ING3: variants seen among roughly 807,000 people sequenced by gnomAD.
The protein encoded by ING3 is inhibitor of growth family member 3.
ING3 carries 6 observed loss-of-function variants against 64.8 expected under a neutral mutation model. The observed-to-expected ratio is 0.09, with a 90% CI of 0.05 to 0.18. The LOEUF (loss-of-function observed/expected upper bound fraction) is 0.18, where lower values mean the gene tolerates loss of function less well. Among genes scored for constraint, ING3 ranks in the 10% least tolerant of loss-of-function variants. ING3 has a pLI of 1.00. For synonymous variants in ING3, 170 were observed against 173.7 expected, an observed-to-expected ratio of 0.98 and a Z score of 0.17; for missense variants, 310 against 489.7, an observed-to-expected ratio of 0.63 and a Z score of 3.46.
At chr7:120,952,113 G>A (rs1011841994) in intron 2 of ING3, among the ~76,000 whole-genome samples, 2 of 152,358 alleles carry the variant, frequency 1.3e-5, no homozygotes, top group African/African-American at 2.4e-5. Context: ...CTGTTCAGTG[G>A]ATTGTGATAT....
Position 120,956,495 on chromosome 7 carries a change from T to C in ING3, c.267+871T>C, listed in dbSNP as rs1236332124. 3.7e-6 allele frequency: 4 copies of C among 1,071,736 alleles called. No individual in the cohort carries two copies. The Admixed American group carries it at 1.5e-4, about 41-fold the overall frequency. The allele number at this position is 1,071,736 out of a possible 1,614,324, so 66.4% of individuals were successfully genotyped here. A position where few individuals can be genotyped will look rare whatever the true frequency, so the allele number is the denominator to read the frequency against. ...ATATGGTGTGAATTGTAAATGCTTA[T>C]ACCACAAACTTGAAAATGTGTCATG... On this transcript the variant is annotated intron_variant, in intron 4 of 11. Coordinates refer to ENST00000315870, the MANE Select transcript of ING3 (RefSeq NM_019071.3).
intron 6 of ING3, 117 bp downstream of exon 6, chr7:120,966,814 T>A (rs1796002480): frequency 1.3e-6 from 1 of 766,708 alleles, no homozygotes. Context: ...CCTTCTTTTT[T>A]TTTCATTGCA....
At chr7:120,951,102 A>G (rs994145798) in intron 1 of ING3, 62 bp from the exon 2 acceptor site, 119 of 1,574,962 alleles carry the variant, frequency 7.6e-5, no homozygotes, top group Middle Eastern at 3.3e-4. Flanking sequence ...GCACGCGCGC[A>G]GTGACGTAAG....
At chr7:120,957,423 T>C (rs1584988893) in intron 4 of ING3, among the ~76,000 whole-genome samples, 1 of 151,258 alleles carries the variant, frequency 6.6e-6, no homozygotes, top group South Asian at 2.1e-4. Context: ...TCAAGGTGTC[T>C]GTAAACTACT....
chr7:120,955,937 AGT>A (rs1795840029), intron 4 of ING3: 1 of 580,596 alleles, frequency 1.7e-6, no homozygotes, highest in African/African-American at 1.9e-5. Flanking sequence ...TTCTTAAGGT[AGT>A]GTGTTTACTT....
At chr7:120,954,691 C>T (rs757542874) in intron 3 of ING3, among the ~76,000 whole-genome samples, 19 of 152,030 alleles carry the variant, frequency 1.2e-4, no homozygotes, top group Non-Finnish European at 2.8e-4. Flanking sequence ...CTTAAGTATA[C>T]CCTGAAAAGT....
intron 4 of ING3, among the ~76,000 whole-genome samples, chr7:120,960,380 G>A (rs1795915569): frequency 6.6e-6 from 1 of 152,154 alleles, no homozygotes; most frequent in Non-Finnish European, 1.5e-5. Flanking sequence ...AAACAGAGGC[G>A]TGGAATATAG....
At chr7:120,972,034 C>T (rs1201692527) in intron 10 of ING3, among the ~76,000 whole-genome samples, 7 of 151,906 alleles carry the variant, frequency 4.6e-5, no homozygotes, top group African/African-American at 9.7e-5. Flanking sequence ...CATTATGAAT[C>T]GACTCCTAAT....
intron 4 of ING3, chr7:120,956,665 C>T: frequency 1.0e-6 from 1 of 986,134 alleles, no homozygotes; most frequent in Non-Finnish European, 1.2e-6. Flanking sequence ...TAGGCTGTAG[C>T]TTGATTTACT....
At chr7:120,968,572 T>C (rs1410269464) in intron 8 of ING3, among the ~76,000 whole-genome samples, 2 of 152,144 alleles carry the variant, frequency 1.3e-5, no homozygotes, top group Non-Finnish European at 2.9e-5. Context: ...AGGCCAGGCA[T>C]GGTGACTCAC....
chr7:120,959,163 T>C (rs1795895305), intron 4 of ING3, among the ~76,000 whole-genome samples: 1 of 152,232 alleles, frequency 6.6e-6, no homozygotes, highest in Non-Finnish European at 1.5e-5. Context: ...CTCAGGGTTC[T>C]GTCCTTGACC....
rs1271222559 is a variant in ING3, at chr7:120,955,831, C to T, written c.267+207C>T. 1.5e-5 allele frequency: 9 copies of T among 585,208 alleles called. No individual in the cohort carries two copies. In the East Asian group the frequency reaches 2.3e-4, roughly 15 times the overall value. The allele number at this position is 585,208 out of a possible 1,614,324, so 36.3% of individuals were successfully genotyped here. ...GTTAGTTAATGTGGTGAGAACTGTA[C>T]ATTTTAGCAAGTCTATACGGCGGTA... On this transcript the variant is annotated intron_variant, in intron 4 of 11. Coordinates refer to ENST00000315870, the MANE Select transcript of ING3 (RefSeq NM_019071.3).
At chr7:120,966,280 A>T (rs1795996205) in intron 5 of ING3, among the ~76,000 whole-genome samples, 1 of 152,128 alleles carries the variant, frequency 6.6e-6, no homozygotes, top group Non-Finnish European at 1.5e-5. Flanking sequence ...ACTCAGTAAA[A>T]CTAGGTTGAC....
chr7:120,973,356 A>G, intron 11 of ING3, 113 bp downstream of exon 11: 1 of 694,934 alleles, frequency 1.4e-6, no homozygotes, highest in Non-Finnish European at 2.5e-6. Flanking sequence ...TTGCAGGTAT[A>G]TTAGTTATAT....
At chr7:120,955,232 A>G (rs1795828092) in intron 3 of ING3, among the ~76,000 whole-genome samples, 1 of 152,028 alleles carries the variant, frequency 6.6e-6, no homozygotes. Flanking sequence ...CGGTTCAAGC[A>G]CTTCTTGTGC....
intron 2 of ING3, among the ~76,000 whole-genome samples, chr7:120,952,575 A>C (rs910096636): frequency 6.6e-6 from 1 of 152,204 alleles, no homozygotes; most frequent in African/African-American, 2.4e-5. Context: ...GGATTAACAG[A>C]ACTGTGTGCC....
At chr7:120,958,552 C>T (rs1795884901) in intron 4 of ING3, among the ~76,000 whole-genome samples, 1 of 152,224 alleles carries the variant, frequency 6.6e-6, no homozygotes, top group South Asian at 2.1e-4. Context: ...TGCGTCTACA[C>T]TTCCTCCTAT....
chr7:120,969,653 T>C (rs1406925336), intron 9 of ING3, among the ~76,000 whole-genome samples: 1 of 152,034 alleles, frequency 6.6e-6, no homozygotes, highest in Non-Finnish European at 1.5e-5. Flanking sequence ...CAAAAACTGA[T>C]GGTGTAAAAA....
Position 120,951,243 on chromosome 7 carries a change from G to C in ING3, c.100+8G>C. ...TGGACCTGCAGGTGCAGAGTAAGTC[G>C]GCGCGTCTACTACTCCTGTTCGCTG... is the stretch of plus-strand genomic sequence containing the variant. On this transcript the variant is annotated splice_region_variant and intron_variant, in intron 2 of 11. Transcript: ENST00000315870. 3 of 1,613,958 alleles carry C rather than the reference G, an allele frequency of 1.9e-6. No individual in the cohort carries two copies. Among genetic ancestry groups the C allele is most frequent in the Non-Finnish European group, 2.5e-6 (3 of 1,179,886 alleles).
Sources: allele counts gnomAD v4.1 joint callset (sites outside exome capture counted in the v4.1 genomes callset), GRCh38; gene constraint gnomAD v4.1.1; transcripts MANE v1.5; gene names NCBI Gene and HGNC (gene_info 2026-07-23, HGNC 2026-07-21).